VWC2: variants seen among roughly 807,000 people sequenced by gnomAD.
VWC2 encodes the protein von Willebrand factor C domain containing 2.
In VWC2, 14 loss-of-function variants were observed where a neutral mutation model predicts 29.8. The observed-to-expected ratio is 0.47, with a 90% CI of 0.31 to 0.74. The LOEUF is 0.74. VWC2 is among the 30% of genes least tolerant of loss of function. VWC2 has a pLI of 0.05. For missense variants in VWC2, 457 were observed against 459.8 expected (o/e 0.99, Z 0.05); for synonymous variants, 213 against 199.0 (o/e 1.07, Z -0.59).
intron 3 of VWC2, among the ~76,000 whole-genome samples, chr7:49,893,013 T>A (rs1792210969): frequency 6.6e-6 from 1 of 152,230 alleles, no homozygotes; most frequent in East Asian, 1.9e-4. Flanking sequence ...GACACTTTTT[T>A]AAACAGGTTA....
At chr7:49,786,703 T>A (rs1444498065) in intron 2 of VWC2, among the ~76,000 whole-genome samples, 2 of 152,224 alleles carry the variant, frequency 1.3e-5, no homozygotes, top group African/African-American at 4.8e-5. Context: ...TATCTCATTG[T>A]GATTATGATT....
chr7:49,892,961 AG>A (rs1176877274), intron 3 of VWC2, among the ~76,000 whole-genome samples: 5 of 148,398 alleles, frequency 3.4e-5, no homozygotes, highest in Non-Finnish European at 6.0e-5. Context: ...TCCTCACTTA[AG>A]TTGTTTAATG....
intron 2 of VWC2, among the ~76,000 whole-genome samples, chr7:49,788,580 C>T (rs915526535): frequency 9.9e-5 from 14 of 141,706 alleles, no homozygotes; most frequent in East Asian, 2.2e-4. Context: ...TGGGCATGTG[C>T]GACACCCACA....
chr7:49,843,651 G>C (rs184800134), intron 3 of VWC2, among the ~76,000 whole-genome samples: 1 of 152,326 alleles, frequency 6.6e-6, no homozygotes, highest in African/African-American at 2.4e-5. Flanking sequence ...TGTCAAAAAT[G>C]TCCCAGAGGG....
intron 3 of VWC2, among the ~76,000 whole-genome samples, chr7:49,889,347 A>ATTGT (rs1792032726): frequency 2.0e-5 from 3 of 152,364 alleles, no homozygotes; most frequent in African/African-American, 7.2e-5. Context: ...TTGAGGTCTA[A>ATTGT]CTATAAAAAT....
In VWC2 at chr7:49,902,214, C is replaced by T. The variant is rs1009834816; in HGVS notation, c.827-9820C>T. The stretch of plus-strand genomic sequence containing the variant: ...CCTCCATTAAAATTAAAAATTTTTG[C>T]TCTCTGAAAGATGTTCTCAAAAGAA... On this transcript the variant is annotated intron_variant, in intron 3 of 3. Transcript: ENST00000340652. 2.0e-5 allele frequency among the ~76,000 whole-genome samples: 3 copies of T among 151,764 alleles called. No homozygotes were observed. In the East Asian group the frequency reaches 5.8e-4, roughly 29 times the overall value.
At chr7:49,894,460 G>A (rs1792281113) in intron 3 of VWC2, among the ~76,000 whole-genome samples, 1 of 152,208 alleles carries the variant, frequency 6.6e-6, no homozygotes, top group Admixed American at 6.5e-5. Flanking sequence ...TCTTCCTATG[G>A]CTTACCATCC....
intron 3 of VWC2, among the ~76,000 whole-genome samples, chr7:49,853,677 T>A (rs1005999058): frequency 2.6e-5 from 4 of 152,226 alleles, no homozygotes; most frequent in African/African-American, 9.6e-5. Flanking sequence ...CATTTATTAT[T>A]GCATCCTTTT....
chr7:49,788,630 T>G (rs1372784626), intron 2 of VWC2, among the ~76,000 whole-genome samples: 1 of 148,302 alleles, frequency 6.7e-6, no homozygotes, highest in Non-Finnish European at 1.5e-5. Context: ...GGTGTGTGAG[T>G]GAGTGTGTGG....
In VWC2 at chr7:49,775,640, G is replaced by C. The variant is rs1242221544; in HGVS notation, c.205G>C (p.Glu69Gln). 3 of 1,529,448 alleles carry C rather than the reference G, an allele frequency of 2.0e-6. No individual in the cohort carries two copies. Among genetic ancestry groups the C allele is most frequent in the Non-Finnish European group, 2.6e-6 (3 of 1,141,146 alleles). The allele number at this position is 1,529,448 out of a possible 1,614,324, so 94.7% of individuals were successfully genotyped here. A position where few individuals can be genotyped will look rare whatever the true frequency, so the allele number is the denominator to read the frequency against. Reference protein sequence around the residue: ...VNELGRPARDEGGSGRDWKSK... With the variant: ...VNELGRPARDQGGSGRDWKSK... The stretch of plus-strand genomic sequence containing the variant: ...CGAGCTCGGGCGCCCGGCGAGGGAC[G>C]AGGGCGGCAGCGGCCGGGACTGGAA... The change falls in exon 2 of 4, where the codon GAG becomes CAG. Residue 69 changes from glutamate (E) to glutamine (Q), a missense_variant. By Grantham distance (29) the Glu-to-Gln change is conservative. Coordinates refer to ENST00000340652, the MANE Select transcript of VWC2 (RefSeq NM_198570.5).
At chr7:49,800,788 C>G (rs1005238825) in intron 2 of VWC2, among the ~76,000 whole-genome samples, 13 of 119,520 alleles carry the variant, frequency 1.1e-4, no homozygotes, top group African/African-American at 4.1e-4. Context: ...TGGTAGGAGA[C>G]AAGGAAATGA....
intron 2 of VWC2, among the ~76,000 whole-genome samples, chr7:49,784,139 T>C (rs1272718056): frequency 6.6e-6 from 1 of 152,180 alleles, no homozygotes; most frequent in East Asian, 1.9e-4. Context: ...ATTGATGGGG[T>C]ACTGTGTAAT....
intron 3 of VWC2, among the ~76,000 whole-genome samples, chr7:49,909,308 C>A (rs1357505313): frequency 6.6e-6 from 1 of 151,948 alleles, no homozygotes; most frequent in East Asian, 1.9e-4. Context: ...AAATTTACCT[C>A]TGCAAAAAAA....
chr7:49,797,674 G>A (rs752979794), intron 2 of VWC2, among the ~76,000 whole-genome samples: 2 of 152,100 alleles, frequency 1.3e-5, no homozygotes, highest in Non-Finnish European at 2.9e-5. Flanking sequence ...GGTATAAGTA[G>A]TATTCATCTC....
intron 3 of VWC2, among the ~76,000 whole-genome samples, chr7:49,841,737 T>C (rs1789797366): frequency 6.6e-6 from 1 of 152,236 alleles, no homozygotes; most frequent in Admixed American, 6.5e-5. Context: ...TCCACACATT[T>C]CTTATAATGT....
At chr7:49,851,571 TG>T (rs1790179299) in intron 3 of VWC2, among the ~76,000 whole-genome samples, 2 of 152,296 alleles carry the variant, frequency 1.3e-5, no homozygotes, top group African/African-American at 4.8e-5. Context: ...ATAAAAAGTC[TG>T]CTACAGGCCA....
At chr7:49,850,937 C>A (rs1790152855) in intron 3 of VWC2, among the ~76,000 whole-genome samples, 1 of 152,226 alleles carries the variant, frequency 6.6e-6, no homozygotes, top group Non-Finnish European at 1.5e-5. Flanking sequence ...TCCATTAGCT[C>A]CCTGGGGCTG....
intron 2 of VWC2, among the ~76,000 whole-genome samples, chr7:49,782,721 G>T (rs1241898034): frequency 5.3e-5 from 8 of 151,580 alleles, no homozygotes; most frequent in African/African-American, 1.9e-4. Context: ...GCATGTTGGT[G>T]TGCTCACCTG....
intron 3 of VWC2, among the ~76,000 whole-genome samples, chr7:49,911,486 A>AT (rs1347463340): frequency 6.7e-6 from 1 of 149,860 alleles, no homozygotes; most frequent in Non-Finnish European, 1.5e-5. Flanking sequence ...GTCTCAAAAA[A>AT]AAAAAAAAAA....
Sources: gnomAD v4.1 joint callset for allele counts (sites outside exome capture counted in the v4.1 genomes callset) on GRCh38, gnomAD v4.1.1 for gene constraint, MANE v1.5 for transcripts, NCBI Gene and HGNC (gene_info 2026-07-23, HGNC 2026-07-21) for gene names.